Variants in SPATA17 observed in about 807,000 individuals in gnomAD.
SPATA17 encodes the protein spermatogenesis associated 17.
Under a neutral mutation model 62.2 loss-of-function variants are expected in SPATA17, and 53 were observed. That is an observed-to-expected ratio of 0.85 (90% CI 0.68 to 1.07). The LOEUF is 1.07. Ranked by LOEUF, SPATA17 falls within the 50% of genes least tolerant of loss-of-function variation. SPATA17 has a pLI of 0.00. For missense variants in SPATA17, 466 were observed against 425.5 expected (o/e 1.10, Z -0.84); for synonymous variants, 146 against 146.8 (o/e 0.99, Z 0.04).
At chr1:217,864,285 A>AT (rs1341503629) in intron 10 of SPATA17, among the ~76,000 whole-genome samples, 1 of 152,168 alleles carries the variant, frequency 6.6e-6, no homozygotes, top group Non-Finnish European at 1.5e-5. Flanking sequence ...GTTTATGATA[A>AT]TGAAAGATTG....
intron 3 of SPATA17, among the ~76,000 whole-genome samples, chr1:217,668,632 G>A (rs894534216): frequency 1.8e-4 from 27 of 152,090 alleles, no homozygotes; most frequent in African/African-American, 4.6e-4. Context: ...TAAACCAGAC[G>A]TCTTGAAATA....
chr1:217,801,758 A>T lies in SPATA17; in HGVS notation c.913A>T (p.Ile305Phe). 1 of 1,609,856 alleles carries T rather than the reference A, an allele frequency of 6.2e-7. No individual in the cohort carries two copies. Among genetic ancestry groups the T allele is most frequent in the Non-Finnish European group, 8.5e-7 (1 of 1,178,414 alleles). The change falls in exon 9 of 11, where the codon ATC becomes TTC. Residue 305 changes from isoleucine (I) to phenylalanine (F), a missense_variant. By Grantham distance (21) the Ile-to-Phe change is conservative. Transcript: ENST00000366933. ...FSSYHKNEKY[I>F]PSMHLSSKYG... ...TTCATACCATAAAAATGAAAAGTAC[A>T]TCCCATCAATGCATTTATCAAGCAA...
intron 4 of SPATA17, among the ~76,000 whole-genome samples, chr1:217,675,832 C>T (rs1670935217): frequency 6.6e-6 from 1 of 152,106 alleles, no homozygotes. Flanking sequence ...AAGTGTTAGA[C>T]ATTGAACCCA....
At position 217,736,112 on chromosome 1, in the gene SPATA17, A is replaced by G. The variant is rs537586162; in HGVS notation, c.396-5863A>G. Reference sequence around the variant, plus strand: ...TAGACAAAATCAAGAAACAGTTTAAAAAGAAAAAATGTAACAAGGAAAAGA... The same window carrying G: ...TAGACAAAATCAAGAAACAGTTTAAGAAGAAAAAATGTAACAAGGAAAAGA... On this transcript the variant is annotated intron_variant, in intron 5 of 10. Transcript: ENST00000366933. Among the ~76,000 whole-genome samples the G allele has an allele frequency of 3.3e-5, 5 of 152,264 alleles. No individual in the cohort carries two copies. In the South Asian group the frequency reaches 8.3e-4, roughly 25 times the overall value.
Position 217,706,960 on chromosome 1 carries a change from G to A in SPATA17, c.395+23599G>A, listed in dbSNP as rs12080138. ...TGGCTCACTGCAAACTCCGCCTCCCGGGTTCAAGCCATTCTCCTGCCTCAG... is the reference window on the plus strand; with the variant it reads ...TGGCTCACTGCAAACTCCGCCTCCCAGGTTCAAGCCATTCTCCTGCCTCAG... On this transcript the variant is annotated intron_variant, in intron 5 of 10. Transcript: ENST00000366933. 9.0e-3 allele frequency among the ~76,000 whole-genome samples: 1,361 copies of A among 151,436 alleles called. 18 individuals are homozygous for A. Among genetic ancestry groups the A allele is most frequent in the African/African-American group, 0.031 (1,290 of 41,284 alleles).
chr1:217,662,654 A>G (rs1287644228), intron 3 of SPATA17, among the ~76,000 whole-genome samples: 1 of 152,178 alleles, frequency 6.6e-6, no homozygotes, highest in East Asian at 1.9e-4. Context: ...ATCAAATTCC[A>G]TTGTATGTTG....
chr1:217,664,970 T>C (rs896474596), intron 3 of SPATA17, among the ~76,000 whole-genome samples: 1 of 151,962 alleles, frequency 6.6e-6, no homozygotes, highest in Non-Finnish European at 1.5e-5. Flanking sequence ...CAAAGTCATA[T>C]GAATATGAAA....
intron 7 of SPATA17, among the ~76,000 whole-genome samples, chr1:217,775,991 T>G (rs543139802): frequency 6.6e-6 from 1 of 152,296 alleles, no homozygotes; most frequent in South Asian, 2.1e-4. Context: ...GGAATACATG[T>G]ATTATCAATT....
chr1:217,751,580 C>T (rs1439735339), intron 6 of SPATA17, among the ~76,000 whole-genome samples: 1 of 152,188 alleles, frequency 6.6e-6, no homozygotes, highest in Non-Finnish European at 1.5e-5. Flanking sequence ...TTTCCTCCCT[C>T]TTTAACATTG....
chr1:217,689,973 C>T (rs1053690114), intron 5 of SPATA17, among the ~76,000 whole-genome samples: 9 of 151,652 alleles, frequency 5.9e-5, no homozygotes, highest in East Asian at 1.9e-4. Context: ...GCACAATCTC[C>T]GCTCACTGCA....
At chr1:217,861,387 TTA>T (rs146592830) in intron 9 of SPATA17, among the ~76,000 whole-genome samples, 41 of 145,366 alleles carry the variant, frequency 2.8e-4, no homozygotes, top group South Asian at 1.9e-3. Flanking sequence ...AAATAAAATA[TTA>T]TATATATATA....
At chr1:217,638,660 G>C (rs112086156) in intron 1 of SPATA17, among the ~76,000 whole-genome samples, 1 of 152,100 alleles carries the variant, frequency 6.6e-6, no homozygotes, top group African/African-American at 2.4e-5. Flanking sequence ...TTAGTTTGGA[G>C]GAAGGAGATT....
At position 217,747,693 on chromosome 1, in the gene SPATA17, T is replaced by C. The variant is rs560007603; in HGVS notation, c.519+5595T>C. ...GGTGTGGCATTTAAGGGTTTACACA[T>C]ATTGAAATTAAAGCTAAAGTAGAAA... On this transcript the variant is annotated intron_variant, in intron 6 of 10. Transcript: ENST00000366933. Among the ~76,000 whole-genome samples the C allele has an allele frequency of 9.5e-4, 144 of 152,274 alleles. 1 individual carries two copies. Among genetic ancestry groups the C allele is most frequent in the African/African-American group, 3.5e-3 (144 of 41,574 alleles).
In SPATA17 at chr1:217,800,570, C is replaced by T. The variant is rs575900438; in HGVS notation, c.873-1148C>T. Among the ~76,000 whole-genome samples, 4 of 152,222 alleles carry T rather than the reference C, an allele frequency of 2.6e-5. No homozygotes were observed. The South Asian group carries it at 6.2e-4, about 24-fold the overall frequency. On this transcript the variant is annotated intron_variant, in intron 8 of 10. Coordinates refer to ENST00000366933, the MANE Select transcript of SPATA17 (RefSeq NM_138796.4). Reference sequence around the variant, plus strand: ...CATGAACCTGGGGATTTCATTACTCCTTACATAGACTTTCAGCTGTTTTCA... The same window carrying T: ...CATGAACCTGGGGATTTCATTACTCTTTACATAGACTTTCAGCTGTTTTCA...
intron 3 of SPATA17, among the ~76,000 whole-genome samples, chr1:217,660,364 C>G (rs1319035867): frequency 1.3e-5 from 2 of 152,122 alleles, no homozygotes; most frequent in Non-Finnish European, 2.9e-5. Context: ...AATTATATCT[C>G]AAAAATATCC....
At chr1:217,825,215 T>C (rs1184665675) in intron 9 of SPATA17, among the ~76,000 whole-genome samples, 1 of 151,714 alleles carries the variant, frequency 6.6e-6, no homozygotes, top group Middle Eastern at 3.2e-3. Context: ...TGTCTCTAAT[T>C]AAGAACAGAA....
chr1:217,812,038 T>A (rs1674604411), intron 9 of SPATA17, among the ~76,000 whole-genome samples: 1 of 152,154 alleles, frequency 6.6e-6, no homozygotes, highest in African/African-American at 2.4e-5. Flanking sequence ...TATGGCAAGA[T>A]GGAGTTGAAT....
At chr1:217,865,022 C>T (rs563449343) in intron 10 of SPATA17, among the ~76,000 whole-genome samples, 7 of 152,044 alleles carry the variant, frequency 4.6e-5, no homozygotes, top group South Asian at 4.1e-4. Context: ...ATTATAAAAA[C>T]GTCATCTCCT....
At chr1:217,734,995 C>T (rs1558584722) in intron 5 of SPATA17, among the ~76,000 whole-genome samples, 1 of 152,134 alleles carries the variant, frequency 6.6e-6, no homozygotes, top group Non-Finnish European at 1.5e-5. Context: ...ACCCCCGCTT[C>T]CCAACAGAGG....
Sources: allele counts gnomAD v4.1 joint callset (sites outside exome capture counted in the v4.1 genomes callset), GRCh38; gene constraint gnomAD v4.1.1; transcripts MANE v1.5; gene names NCBI Gene and HGNC (gene_info 2026-07-23, HGNC 2026-07-21).